Variants in RBM20 observed in about 807,000 individuals in gnomAD.
RBM20 encodes RNA binding motif protein 20, also known as RNA-binding protein 20.
RBM20 carries 51 observed loss-of-function variants against 110.1 expected under a neutral mutation model. That is an observed-to-expected ratio of 0.46 (90% CI 0.37 to 0.59). The LOEUF (loss-of-function observed/expected upper bound fraction) is 0.59, where lower values mean the gene tolerates loss of function less well. RBM20 is among the 20% of genes least tolerant of loss of function. The pLI is 0.00. For missense variants in RBM20, 1,512 were observed against 1,574.9 expected, an observed-to-expected ratio of 0.96 and a Z score of 0.68; for synonymous variants, 589 against 618.2, an observed-to-expected ratio of 0.95 and a Z score of 0.70.
chr10:110,744,326 C>T (rs1167342713), intron 1 of RBM20, among the ~76,000 whole-genome samples: 1 of 152,186 alleles, frequency 6.6e-6, no homozygotes, highest in Non-Finnish European at 1.5e-5. Flanking sequence ...CATTCCAGGC[C>T]CTCAGAATCT....
chr10:110,704,817 G>A (rs192635151), intron 1 of RBM20, among the ~76,000 whole-genome samples: 21 of 152,316 alleles, frequency 1.4e-4, no homozygotes, highest in Admixed American at 4.6e-4. Context: ...CAGAGTGGAG[G>A]TTTGGAGAAG....
intron 1 of RBM20, among the ~76,000 whole-genome samples, chr10:110,716,361 GTA>G (rs1863016630): frequency 6.6e-6 from 1 of 152,218 alleles, no homozygotes; most frequent in South Asian, 2.1e-4. Flanking sequence ...CTCCTGCTCT[GTA>G]GGCCTATATG....
intron 1 of RBM20, among the ~76,000 whole-genome samples, chr10:110,775,055 T>C (rs1844243437): frequency 6.6e-6 from 1 of 152,358 alleles, no homozygotes; most frequent in East Asian, 1.9e-4. Context: ...ATCCTCTCTT[T>C]GCTTTAAGTC....
At chr10:110,679,519 C>T (rs1862391095) in intron 1 of RBM20, among the ~76,000 whole-genome samples, 1 of 152,212 alleles carries the variant, frequency 6.6e-6, no homozygotes, top group African/African-American at 2.4e-5. Flanking sequence ...CCGTGCCCAG[C>T]CTCTTCTTGT....
intron 1 of RBM20, among the ~76,000 whole-genome samples, chr10:110,706,758 G>T (rs1260141894): frequency 6.6e-6 from 1 of 152,206 alleles, no homozygotes; most frequent in East Asian, 1.9e-4. Context: ...ATCAAAGAGG[G>T]TTGGTTGTAG....
At position 110,827,069 on chromosome 10, in the gene RBM20, G is replaced by A. The variant is rs914817584; in HGVS notation, c.3451+3455G>A. ...GAGATTCATTATCTCATTGGTCCCC[G>A]AAGGAAGAGTATGGTATGAGGTTCT... On this transcript the variant is annotated intron_variant, in intron 12 of 13. Coordinates refer to ENST00000369519, the MANE Select transcript of RBM20 (RefSeq NM_001134363.3). Among the ~76,000 whole-genome samples the A allele has an allele frequency of 7.2e-5, 11 of 152,244 alleles. No individual in the cohort carries two copies. In the East Asian group the frequency reaches 9.6e-4, roughly 13 times the overall value.
At chr10:110,738,399 T>A (rs1331024463) in intron 1 of RBM20, among the ~76,000 whole-genome samples, 1 of 152,150 alleles carries the variant, frequency 6.6e-6, no homozygotes, top group African/African-American at 2.4e-5. Context: ...AAAATGTTGA[T>A]AACATGTTCC....
chr10:110,693,265 A>T (rs1343765383), intron 1 of RBM20, among the ~76,000 whole-genome samples: 1 of 152,130 alleles, frequency 6.6e-6, no homozygotes, highest in Admixed American at 6.6e-5. Flanking sequence ...TCAGGATTAT[A>T]TTAGCCTCAT....
chr10:110,761,144 C>T (rs963475569), intron 1 of RBM20: 2 of 151,530 alleles, frequency 1.3e-5, no homozygotes, highest in Admixed American at 1.3e-4. Context: ...AAAAATTAGC[C>T]TACAGCCATA....
chr10:110,682,444 C>A (rs909379217), intron 1 of RBM20, among the ~76,000 whole-genome samples: 3 of 152,114 alleles, frequency 2.0e-5, no homozygotes, highest in Admixed American at 6.6e-5. Context: ...CAACTACCCA[C>A]CTTTACTGTT....
At position 110,803,455 on chromosome 10, in the gene RBM20, G is replaced by C. The variant is rs531433207; in HGVS notation, c.1800+3537G>C. On this transcript the variant is annotated intron_variant, in intron 7 of 13. Transcript: ENST00000369519. ...CTTCAGTGTGCATACAGATCACTTG[G>C]TGATGTTGTGAAAACTCACTTTGAT... Among the ~76,000 whole-genome samples the C allele has an allele frequency of 2.0e-4, 30 of 152,296 alleles. No homozygotes were observed. In the East Asian group the frequency reaches 5.2e-3, roughly 26 times the overall value.
At chr10:110,758,925 G>A (rs1843957490) in intron 1 of RBM20, among the ~76,000 whole-genome samples, 1 of 152,174 alleles carries the variant, frequency 6.6e-6, no homozygotes, top group South Asian at 2.1e-4. Flanking sequence ...TTTTTAAAGA[G>A]CAAATCTGGA....
chr10:110,837,320 A>C lies in RBM20; in HGVS notation c.*1342A>C, dbSNP rs373254706. The C allele has an allele frequency of 6.6e-6, 1 of 152,184 alleles. No homozygotes were observed. The highest frequency in any genetic ancestry group is 1.9e-4 in the East Asian group (1 of 5,202). 9.4% of individuals were successfully genotyped at this position (152,184 alleles called of 1,614,324 possible). A position where few individuals can be genotyped will look rare whatever the true frequency, so the allele number is the denominator to read the frequency against. ...GTCTCTAGCCTGATATTCCATTGAA[A>C]GGGTGTGGGATAAAGGTGCTGGGGG... On this transcript the variant is annotated 3_prime_UTR_variant, in exon 14 of 14. Coordinates refer to ENST00000369519, the MANE Select transcript of RBM20 (RefSeq NM_001134363.3).
At chr10:110,810,764 A>G (rs1590694571) in intron 8 of RBM20, among the ~76,000 whole-genome samples, 1 of 151,970 alleles carries the variant, frequency 6.6e-6, no homozygotes, top group East Asian at 1.9e-4. Context: ...GGGCAAGTCT[A>G]CACCCTATTA....
intron 1 of RBM20, among the ~76,000 whole-genome samples, chr10:110,653,815 C>T (rs1312586481): frequency 6.6e-6 from 1 of 152,204 alleles, no homozygotes; most frequent in African/African-American, 2.4e-5. Context: ...CTCAGCCTCC[C>T]AAAGTGCTGG....
intron 1 of RBM20, among the ~76,000 whole-genome samples, chr10:110,717,296 G>T (rs1863033813): frequency 6.6e-6 from 1 of 152,160 alleles, no homozygotes; most frequent in South Asian, 2.1e-4. Context: ...TTCTTTAGAA[G>T]TACTGTTGGG....
intron 1 of RBM20, among the ~76,000 whole-genome samples, chr10:110,652,221 G>A (rs545947186): frequency 2.0e-5 from 3 of 152,294 alleles, no homozygotes; most frequent in Admixed American, 1.3e-4. Flanking sequence ...CAAACAGCAT[G>A]TATGCAAAGA....
chr10:110,713,243 C>G (rs1219774488), intron 1 of RBM20, among the ~76,000 whole-genome samples: 1 of 152,240 alleles, frequency 6.6e-6, no homozygotes, highest in Non-Finnish European at 1.5e-5. Context: ...GATTCCAGGT[C>G]TGGCGTGGCC....
chr10:110,802,210 A>C (rs976388103), intron 7 of RBM20, among the ~76,000 whole-genome samples: 4 of 152,128 alleles, frequency 2.6e-5, no homozygotes, highest in African/African-American at 7.2e-5. Context: ...TTCAAGGTTG[A>C]AGTTAGAAGA....
Sources: allele counts gnomAD v4.1 joint callset (sites outside exome capture counted in the v4.1 genomes callset), GRCh38; gene constraint gnomAD v4.1.1; transcripts MANE v1.5; gene names NCBI Gene and HGNC (gene_info 2026-07-23, HGNC 2026-07-21).